The following ARHGAP35 variants were observed in gnomAD, a reference collection of about 807,000 sequenced individuals.
The protein encoded by ARHGAP35 is rho GTPase-activating protein 35.
In ARHGAP35, 15 loss-of-function variants were observed where a neutral mutation model predicts 111.1. That is an observed-to-expected ratio of 0.13 (90% CI 0.09 to 0.21). The LOEUF (loss-of-function observed/expected upper bound fraction) is 0.21, where lower values mean the gene tolerates loss of function less well. ARHGAP35 is among the 10% of genes least tolerant of loss of function. The probability of loss-of-function intolerance (pLI) is 1.00; values close to 1 mark genes in which losing one functional copy is unlikely to be tolerated. For missense variants in ARHGAP35, 1,262 were observed against 1,873.0 expected (o/e 0.67, Z 6.02); for synonymous variants, 643 against 710.3 (o/e 0.91, Z 1.51).
chr19:46,995,031 A>T (rs572163187), intron 5 of ARHGAP35, among the ~76,000 whole-genome samples: 2 of 152,256 alleles, frequency 1.3e-5, no homozygotes, highest in East Asian at 3.9e-4. Flanking sequence ...CCTGGTTCCA[A>T]CCAGGGCAGC....
chr19:46,933,449 G>T (rs1275586124), intron 2 of ARHGAP35, among the ~76,000 whole-genome samples: 2 of 152,004 alleles, frequency 1.3e-5, no homozygotes, highest in Non-Finnish European at 2.9e-5. Context: ...AGCCCAGCTA[G>T]TGTGCTTTTA....
chr19:46,915,967 G>A (rs1195671105), intron 1 of ARHGAP35, among the ~76,000 whole-genome samples: 1 of 126,630 alleles, frequency 7.9e-6, no homozygotes, highest in South Asian at 2.4e-4. Flanking sequence ...ATGGAGTCTC[G>A]CTCTGTCGCA....
chr19:46,997,567 C>T (rs1007403162), intron 5 of ARHGAP35: 1 of 152,236 alleles, frequency 6.6e-6, no homozygotes, highest in Non-Finnish European at 1.5e-5. Context: ...TAAGGTGTCA[C>T]TTGCCCAAGG....
chr19:46,922,218 T>A lies in ARHGAP35; in HGVS notation c.3543T>A (p.Asp1181Glu), dbSNP rs2056206823. ...CCAGCTTCAGCGTGGGGAGTGATGATGAGCTGGGGCCCATCCGGAAGAAAG... is the reference window on the plus strand; with the variant it reads ...CCAGCTTCAGCGTGGGGAGTGATGAAGAGCTGGGGCCCATCCGGAAGAAAG... ...YRTSFSVGSD[D>E]ELGPIRKKEE... Residue 1181 changes from aspartate (D) to glutamate (E), a missense_variant, in exon 2 of 7, where the codon GAT becomes GAA. Coordinates refer to ENST00000672722, the MANE Select transcript of ARHGAP35 (RefSeq NM_004491.5). The surrounding 1 kb of genome is among the most constrained non-coding windows in gnomAD (Gnocchi z 4.0). 6.2e-7 allele frequency: 1 copy of A among 1,613,766 alleles called. No homozygotes were observed. The highest frequency in any genetic ancestry group is 1.3e-5 in the African/African-American group (1 of 74,870).
rs991191101 is a variant in ARHGAP35 at position 46,861,035 on chromosome 19, T to TGGAGGAGGC, written c.-354_-346dup. Among the ~76,000 whole-genome samples the TGGAGGAGGC allele has an allele frequency of 3.0e-5, 4 of 132,640 alleles. No individual in the cohort carries two copies. The highest frequency in any genetic ancestry group is 3.2e-5 in the Non-Finnish European group (2 of 61,616). The allele number at this position is 132,640 out of a possible 152,430, so 87.0% of individuals were successfully genotyped here. The stretch of plus-strand genomic sequence containing the variant: ...GCCGCGGCGCGGCGGCAGGAGGAGG[T>TGGAGGAGGC]GGAGGAGGCGGAGGAGGGAACCCGC... On this transcript the variant is annotated 5_prime_UTR_variant, in exon 1 of 7. Coordinates refer to ENST00000672722, the MANE Select transcript of ARHGAP35 (RefSeq NM_004491.5).
At position 46,918,618 on chromosome 19, in the gene ARHGAP35, C is replaced by G; in HGVS notation, c.-58C>G. The G allele has an allele frequency of 6.5e-7, 1 of 1,530,552 alleles. No individual in the cohort carries two copies. Among genetic ancestry groups the G allele is most frequent in the Non-Finnish European group, 8.9e-7 (1 of 1,123,348 alleles). The allele number at this position is 1,530,552 out of a possible 1,614,324, so 94.8% of individuals were successfully genotyped here. ...CTAATAATGTAGGAAGCTGTCTGGT[C>G]CATTGGAAACACTAATCTGATCTCA... On this transcript the variant is annotated 5_prime_UTR_variant, in exon 2 of 7. Coordinates refer to ENST00000672722, the MANE Select transcript of ARHGAP35 (RefSeq NM_004491.5). This position sits in a 1 kb window ranked among gnomAD's most constrained non-coding sequence, Gnocchi z 5.4.
chr19:46,942,059 T>C (rs1294146241), intron 3 of ARHGAP35, among the ~76,000 whole-genome samples: 1 of 152,132 alleles, frequency 6.6e-6, no homozygotes, highest in Non-Finnish European at 1.5e-5. Context: ...GAGCTTAGTG[T>C]GCATTGGAGG....
intron 1 of ARHGAP35, among the ~76,000 whole-genome samples, chr19:46,873,035 G>A (rs2122122038): frequency 6.6e-6 from 1 of 152,264 alleles, no homozygotes; most frequent in South Asian, 2.1e-4. Context: ...GGGAAACCGA[G>A]GTTGCAGAGA....
intron 1 of ARHGAP35, among the ~76,000 whole-genome samples, chr19:46,871,230 TAAAAG>T (rs979630743): frequency 2.0e-5 from 3 of 152,226 alleles, no homozygotes; most frequent in Non-Finnish European, 4.4e-5. Context: ...TGCTGGAAAT[TAAAAG>T]AAAAGAGATA....
At chr19:46,981,383 A>C (rs2056619493) in intron 3 of ARHGAP35, among the ~76,000 whole-genome samples, 1 of 152,250 alleles carries the variant, frequency 6.6e-6, no homozygotes, top group Non-Finnish European at 1.5e-5. Flanking sequence ...CTGAGTTTCT[A>C]TATCTAAATA....
chr19:46,942,326 A>G (rs966023692), intron 3 of ARHGAP35, among the ~76,000 whole-genome samples: 3 of 152,176 alleles, frequency 2.0e-5, no homozygotes, highest in Non-Finnish European at 2.9e-5. Flanking sequence ...TTTTTTTAAC[A>G]TAGCCCTCTT....
chr19:46,884,077 C>T (rs533719489), intron 1 of ARHGAP35, among the ~76,000 whole-genome samples: 4 of 152,094 alleles, frequency 2.6e-5, no homozygotes, highest in South Asian at 2.1e-4. Flanking sequence ...TATGCCTATA[C>T]GAGTTTACTA....
chr19:46,993,072 G>A lies in ARHGAP35; in HGVS notation c.4036+3397G>A, dbSNP rs1254926421. Among the ~76,000 whole-genome samples the A allele has an allele frequency of 6.6e-6, 1 of 152,206 alleles. No individual in the cohort carries two copies. Among genetic ancestry groups the A allele is most frequent in the Non-Finnish European group, 1.5e-5 (1 of 68,034 alleles). ...CGTGTGGACAGGGACAGATGGCAGT[G>A]GGCACACACATATGTGGTCCCAGGC... On this transcript the variant is annotated intron_variant, in intron 5 of 6. Coordinates refer to ENST00000672722, the MANE Select transcript of ARHGAP35 (RefSeq NM_004491.5). The surrounding 1 kb of genome is among the most constrained non-coding windows in gnomAD (Gnocchi z 4.6).
chr19:46,987,952 A>G, intron 3 of ARHGAP35, 37 bp from the exon 4 acceptor site: 1 of 1,605,372 alleles, frequency 6.2e-7, no homozygotes, highest in Non-Finnish European at 8.5e-7. Context: ...TCTGCTCTCC[A>G]GTTCCTGCTC....
intron 3 of ARHGAP35, among the ~76,000 whole-genome samples, chr19:46,987,452 T>C (rs1054461187): frequency 1.3e-5 from 2 of 150,882 alleles, no homozygotes; most frequent in Non-Finnish European, 3.0e-5. Context: ...TGACCTCAAG[T>C]GATCCTCCTG....
At chr19:46,907,544 A>G (rs1292741137) in intron 1 of ARHGAP35, among the ~76,000 whole-genome samples, 1 of 123,024 alleles carries the variant, frequency 8.1e-6, no homozygotes, top group African/African-American at 3.1e-5. Context: ...AGTGGCGCGA[A>G]CTCGGCTCAC....
chr19:46,972,203 G>A (rs1022910891), intron 3 of ARHGAP35, among the ~76,000 whole-genome samples: 2 of 152,104 alleles, frequency 1.3e-5, no homozygotes, highest in Non-Finnish European at 2.9e-5. Context: ...TAGAGATGAG[G>A]TTTCGCCATG....
intron 3 of ARHGAP35, chr19:46,947,191 T>C (rs1354436115): frequency 1.3e-5 from 2 of 152,170 alleles, no homozygotes; most frequent in Non-Finnish European, 2.9e-5. Flanking sequence ...ATTAAATGAG[T>C]ATTTATTGAC....
intron 1 of ARHGAP35, among the ~76,000 whole-genome samples, chr19:46,889,830 G>T (rs2056015549): frequency 6.6e-6 from 1 of 151,636 alleles, no homozygotes; most frequent in Non-Finnish European, 1.5e-5. Context: ...CATTGCTTCA[G>T]CTTTCTTTAA....
Sources: allele counts gnomAD v4.1 joint callset (sites outside exome capture counted in the v4.1 genomes callset), GRCh38; gene constraint gnomAD v4.1.1; non-coding constraint Gnocchi (gnomAD v3.1); transcripts MANE v1.5; gene names NCBI Gene and HGNC (gene_info 2026-07-23, HGNC 2026-07-21).